Variants in PHF19 observed in about 807,000 individuals in gnomAD.
PHF19 encodes polycomb like 3.
In PHF19, 21 loss-of-function variants were observed where a neutral mutation model predicts 79.8. The ratio of observed to expected loss-of-function variants is 0.26; its 90% CI spans 0.19 to 0.38. The LOEUF (loss-of-function observed/expected upper bound fraction) is 0.38. Among genes scored for constraint, PHF19 ranks in the 10% least tolerant of loss-of-function variants. PHF19 has a pLI of 1.00. For synonymous variants in PHF19, 273 were observed against 296.3 expected, an observed-to-expected ratio of 0.92 and a Z score of 0.81; for missense variants, 445 against 744.2, an observed-to-expected ratio of 0.60 and a Z score of 4.68.
intron 1 of PHF19, chr9:120,876,854 G>A (rs985186678): frequency 6.3e-6 from 2 of 316,296 alleles, no homozygotes; most frequent in Non-Finnish European, 9.2e-6. Context: ...AAGATCGGGG[G>A]CGAGGAAGAA....
intron 3 of PHF19, among the ~76,000 whole-genome samples, chr9:120,871,814 C>T (rs1003015054): frequency 1.3e-5 from 2 of 151,806 alleles, no homozygotes; most frequent in African/African-American, 2.4e-5. Flanking sequence ...CCGAGGCGGG[C>T]GGATCACAAG....
At position 120,864,092 on chromosome 9, in the gene PHF19, G is replaced by A. The variant is rs760607510; in HGVS notation, c.925C>T (p.Arg309Ter). The A allele has an allele frequency of 6.2e-7, 1 of 1,613,838 alleles. No homozygotes were observed. The highest frequency in any genetic ancestry group is 8.5e-7 in the Non-Finnish European group (1 of 1,179,880). Residue 309 changes from arginine (R) to a stop codon, truncating the protein, a stop_gained, in exon 10 of 15, where the codon CGA becomes TGA. Coordinates refer to ENST00000373896, the MANE Select transcript of PHF19 (RefSeq NM_015651.3). LOFTEE classifies it high-confidence loss of function. Reference sequence around the variant, plus strand: ...AGAGCGTTGAGGAGATGTGGTCCTCGATCTGTCACTGGGGTGCTGGTGAGC... The same window carrying A: ...AGAGCGTTGAGGAGATGTGGTCCTCAATCTGTCACTGGGGTGCTGGTGAGC... ...GKLTSTPVTDRGPHLLNALNS... is the reference protein window; with the variant it reads ...GKLTSTPVTD
chr9:120,881,253 T>G (rs1189912601), upstream of PHF19, among the ~76,000 whole-genome samples: 1 of 150,844 alleles, frequency 6.6e-6, no homozygotes, highest in African/African-American at 2.4e-5. Context: ...GTTCACGCCC[T>G]TCTCCTGCCT....
At chr9:120,880,639 C>T (rs1384268860), upstream of PHF19, among the ~76,000 whole-genome samples, 1 of 152,186 alleles carries the variant, frequency 6.6e-6, no homozygotes, top group East Asian at 1.9e-4. Context: ...AGCATAGGTA[C>T]AGTGTGACAC....
the PHF19 span, chr9:120,902,588 C>T: frequency 6.6e-6 from 1 of 152,256 alleles, no homozygotes; most frequent in African/African-American, 2.4e-5. Context: ...GACTCCCTCC[C>T]CCATCCTGCC....
chr9:120,871,046 G>A (rs1157189469), intron 3 of PHF19, among the ~76,000 whole-genome samples: 1 of 152,188 alleles, frequency 6.6e-6, no homozygotes, highest in Non-Finnish European at 1.5e-5. Context: ...GAGATTGCAG[G>A]TGCATGCCAC....
chr9:120,895,772 C>A (rs1028693025), upstream of PHF19, among the ~76,000 whole-genome samples: 2 of 152,118 alleles, frequency 1.3e-5, no homozygotes, highest in East Asian at 1.9e-4. Context: ...CCTGCCTCAG[C>A]CTCCCGAGTA....
chr9:120,889,779 A>C lies in PHF19; in HGVS notation c.42+5009T>G, dbSNP rs1435179995. On this transcript the variant is annotated intron_variant, in intron 1 of 14. Coordinates refer to the PHF19 transcript ENST00000616568. ...AAAGAGAGAGAGAGAGAAAGAAAGA[A>C]AAGAGAAAGAAGAAAGGAAGAAAGA... 2.1e-5 allele frequency among the ~76,000 whole-genome samples: 3 copies of C among 141,374 alleles called. No individual in the cohort carries two copies. In the Admixed American group the frequency reaches 2.2e-4, roughly 10 times the overall value. The allele number at this position is 141,374 out of a possible 152,430, so 92.7% of individuals were successfully genotyped here. A position where few individuals can be genotyped will look rare whatever the true frequency, so the allele number is the denominator to read the frequency against.
upstream of PHF19, among the ~76,000 whole-genome samples, chr9:120,882,041 C>G (rs148405854): frequency 6.6e-6 from 1 of 152,210 alleles, no homozygotes; most frequent in African/African-American, 2.4e-5. Flanking sequence ...ATTACAGGTG[C>G]GTGCCACTGC....
intron 3 of PHF19, among the ~76,000 whole-genome samples, chr9:120,871,954 C>T (rs1488421275): frequency 1.5e-5 from 2 of 131,628 alleles, no homozygotes; most frequent in Admixed American, 1.9e-4. Flanking sequence ...AGAAGAATCA[C>T]TTGAACCTGG....
upstream of PHF19, among the ~76,000 whole-genome samples, chr9:120,897,113 G>T (rs925705903): frequency 6.6e-6 from 1 of 152,248 alleles, no homozygotes; most frequent in Non-Finnish European, 1.5e-5. Context: ...ACGATCATAT[G>T]TACTTGCCAG....
upstream of PHF19, chr9:120,877,431 GC>G (rs914737006): frequency 2.5e-4 from 171 of 680,322 alleles, no homozygotes; most frequent in African/African-American, 2.8e-3. Flanking sequence ...AGCGCCGCCA[GC>G]CCCCGCCCGC....
rs1032802255 is a variant in PHF19 at position 120,857,830 on chromosome 9, T to G, written c.*114A>C. ...GCAGGCAGGGCATTCTGCCAGGCAC[T>G]TGCAGCTCTGTCCTGCTTCCTTCTC... On this transcript the variant is annotated 3_prime_UTR_variant, in exon 15 of 15. Transcript: ENST00000373896. 9 of 642,098 alleles carry G rather than the reference T, an allele frequency of 1.4e-5. No individual in the cohort carries two copies. The highest frequency in any genetic ancestry group is 2.1e-5 in the Non-Finnish European group (8 of 379,492). 39.8% of individuals were successfully genotyped at this position (642,098 alleles called of 1,614,324 possible). A position where few individuals can be genotyped will look rare whatever the true frequency, so the allele number is the denominator to read the frequency against.
chr9:120,896,605 C>G (rs1042704455), upstream of PHF19, among the ~76,000 whole-genome samples: 2 of 151,782 alleles, frequency 1.3e-5, no homozygotes, highest in African/African-American at 2.4e-5. Context: ...GCACGCGCCA[C>G]CACGCCCGGC....
chr9:120,882,203 C>A (rs1028728835), intron 1 of PHF19, among the ~76,000 whole-genome samples: 1 of 152,182 alleles, frequency 6.6e-6, no homozygotes, highest in South Asian at 2.1e-4. Context: ...AGGGCTTGTC[C>A]CCTCTGCTCA....
upstream of PHF19, among the ~76,000 whole-genome samples, chr9:120,881,832 G>T (rs1053245371): frequency 6.6e-6 from 1 of 152,210 alleles, no homozygotes; most frequent in South Asian, 2.1e-4. Context: ...CACGATCTCG[G>T]CTCACTGCAA....
intron 1 of PHF19, among the ~76,000 whole-genome samples, chr9:120,887,490 A>G (rs2046281260): frequency 6.6e-6 from 1 of 152,172 alleles, no homozygotes; most frequent in African/African-American, 2.4e-5. Context: ...CCTGGAGAAA[A>G]GATTCTGTCT....
exon 1 of PHF19, chr9:120,894,844 A>G: frequency 8.2e-7 from 1 of 1,225,406 alleles, no homozygotes; most frequent in Non-Finnish European, 1.0e-6. Context: ...CAGGGCACGT[A>G]GGAGGCATCC....
chr9:120,868,799 C>G (rs2131530464), intron 6 of PHF19: 3 of 1,012,920 alleles, frequency 3.0e-6, no homozygotes, highest in Non-Finnish European at 3.5e-6. Context: ...GCTTCTCGAC[C>G]TGCCTCACCT....
Sources: allele counts gnomAD v4.1 joint callset (sites outside exome capture counted in the v4.1 genomes callset), GRCh38; gene constraint gnomAD v4.1.1; transcripts MANE v1.5; gene names NCBI Gene and HGNC (gene_info 2026-07-23, HGNC 2026-07-21).